Variants in PRDM16 observed in about 807,000 individuals in gnomAD.
PRDM16 encodes the protein PR/SET domain 16.
Under a neutral mutation model 110.6 loss-of-function variants are expected in PRDM16, and 23 were observed. That is an observed-to-expected ratio of 0.21 (90% CI 0.15 to 0.29). PRDM16 has a LOEUF of 0.29. Among genes scored for constraint, PRDM16 ranks in the 10% least tolerant of loss-of-function variants. PRDM16 has a pLI of 1.00. For missense variants in PRDM16, 1,615 were observed against 1,794.3 expected (o/e 0.90, Z 1.81); for synonymous variants, 799 against 781.8 (o/e 1.02, Z -0.37).
chr1:3,294,908 G>C (rs1641052212), intron 3 of PRDM16, among the ~76,000 whole-genome samples: 1 of 152,216 alleles, frequency 6.6e-6, no homozygotes, highest in Non-Finnish European at 1.5e-5. Context: ...AGACCCAGGG[G>C]AGAGGGGTAG....
chr1:3,220,197 G>A (rs1280936872), intron 2 of PRDM16, among the ~76,000 whole-genome samples: 1 of 152,122 alleles, frequency 6.6e-6, no homozygotes, highest in Non-Finnish European at 1.5e-5. Flanking sequence ...CTCCGTCTGC[G>A]GCACCTTCCT....
intron 3 of PRDM16, among the ~76,000 whole-genome samples, chr1:3,316,485 C>G (rs1641604587): frequency 6.6e-6 from 1 of 152,186 alleles, no homozygotes; most frequent in Non-Finnish European, 1.5e-5. Context: ...ACAGGGAGGA[C>G]CTGGGAAGAG....
At chr1:3,223,182 T>G (rs1173198811) in intron 2 of PRDM16, among the ~76,000 whole-genome samples, 1 of 142,736 alleles carries the variant, frequency 7.0e-6, no homozygotes, top group Non-Finnish European at 1.5e-5. Context: ...CGATCTTGGC[T>G]CACTGCAACC....
chr1:3,138,023 C>A (rs2100695880), intron 1 of PRDM16, among the ~76,000 whole-genome samples: 1 of 152,334 alleles, frequency 6.6e-6, no homozygotes, highest in Middle Eastern at 3.4e-3. Context: ...GCTGGCCAGG[C>A]AGGGGTGTCC....
Position 3,245,790 on chromosome 1 carries a change from C to T in PRDM16, c.438+1653C>T, listed in dbSNP as rs977268635. ...ACAGTTAGCAGCGCTGCTGTATTTC[C>T]GAGAACTGCAGTATTTTCACTTCCC... On this transcript the variant is annotated intron_variant, in intron 3 of 16. Coordinates refer to ENST00000270722, the MANE Select transcript of PRDM16 (RefSeq NM_022114.4). The surrounding 1 kb of genome is among the most constrained non-coding windows in gnomAD (Gnocchi z 4.7). 2.0e-5 allele frequency among the ~76,000 whole-genome samples: 3 copies of T among 152,136 alleles called. No individual in the cohort carries two copies. Among genetic ancestry groups the T allele is most frequent in the East Asian group, 1.9e-4 (1 of 5,196 alleles).
At chr1:3,427,061 C>T (rs570410531) in intron 14 of PRDM16, among the ~76,000 whole-genome samples, 3 of 152,364 alleles carry the variant, frequency 2.0e-5, no homozygotes, top group African/African-American at 7.2e-5. Context: ...GACGGACAGC[C>T]GTGTGCGTAC....
intron 3 of PRDM16, among the ~76,000 whole-genome samples, chr1:3,250,480 A>G (rs1381242893): frequency 6.8e-6 from 1 of 147,800 alleles, no homozygotes; most frequent in East Asian, 2.0e-4. Context: ...CCCCACCGCC[A>G]TTCTAAATTG....
At chr1:3,159,542 T>C (rs1643882763) in intron 1 of PRDM16, among the ~76,000 whole-genome samples, 1 of 152,214 alleles carries the variant, frequency 6.6e-6, no homozygotes, top group South Asian at 2.1e-4. Flanking sequence ...CCTAGTGACC[T>C]CACTTTTCCT....
intron 5 of PRDM16, among the ~76,000 whole-genome samples, chr1:3,399,668 G>A (rs752636849): frequency 1.3e-5 from 2 of 152,216 alleles, no homozygotes; most frequent in Non-Finnish European, 2.9e-5. Flanking sequence ...GAATCAGACT[G>A]CATTCTCATT....
chr1:3,194,360 C>T (rs1427260257), intron 2 of PRDM16, among the ~76,000 whole-genome samples: 1 of 152,216 alleles, frequency 6.6e-6, no homozygotes, highest in Admixed American at 6.5e-5. Flanking sequence ...CCGCCATAAG[C>T]CCTCCTTGCT....
chr1:3,273,865 A>G (rs1640521107), intron 3 of PRDM16, among the ~76,000 whole-genome samples: 1 of 137,906 alleles, frequency 7.3e-6, no homozygotes, highest in African/African-American at 2.7e-5. Flanking sequence ...GGCTGCTTAT[A>G]TGGGGGTGCC....
At chr1:3,115,224 G>A (rs1424481077) in intron 1 of PRDM16, among the ~76,000 whole-genome samples, 2 of 152,238 alleles carry the variant, frequency 1.3e-5, no homozygotes, top group South Asian at 2.1e-4. Context: ...CCCACACATT[G>A]GAGTTCATGA....
intron 1 of PRDM16, among the ~76,000 whole-genome samples, chr1:3,142,132 C>A (rs1046757573): frequency 6.6e-6 from 1 of 152,176 alleles, no homozygotes; most frequent in African/African-American, 2.4e-5. Flanking sequence ...TCCATCGGCT[C>A]CCCCCGTCCA....
chr1:3,257,540 A>ACT (rs2100239664), intron 3 of PRDM16, among the ~76,000 whole-genome samples: 1 of 151,936 alleles, frequency 6.6e-6, no homozygotes, highest in South Asian at 2.1e-4. Context: ...GAAAAATAAG[A>ACT]CTTTGTTACT....
chr1:3,313,142 G>A (rs2282194), intron 3 of PRDM16, among the ~76,000 whole-genome samples: 4,072 of 152,310 alleles, frequency 0.027, 302 homozygotes, highest in East Asian at 0.25. Context: ...GTCCTTCCTC[G>A]TGAGAGGATG....
intron 1 of PRDM16, among the ~76,000 whole-genome samples, chr1:3,101,230 C>T (rs1001274968): frequency 3.9e-5 from 6 of 152,100 alleles, no homozygotes; most frequent in East Asian, 1.9e-4. Flanking sequence ...ACACTCTTCC[C>T]GAGAGATAGT....
chr1:3,093,648 T>C (rs970543234), intron 1 of PRDM16, among the ~76,000 whole-genome samples: 2 of 152,006 alleles, frequency 1.3e-5, no homozygotes, highest in Non-Finnish European at 1.5e-5. Context: ...GGAGGCTGCA[T>C]GCTGTGGTCG....
At chr1:3,227,270 C>G (rs1057116129) in intron 2 of PRDM16, among the ~76,000 whole-genome samples, 1 of 152,244 alleles carries the variant, frequency 6.6e-6, no homozygotes, top group Non-Finnish European at 1.5e-5. Flanking sequence ...AGTTTATCCT[C>G]TGAAGAAAAA....
intron 1 of PRDM16, among the ~76,000 whole-genome samples, chr1:3,183,880 C>T (rs1644238137): frequency 1.3e-5 from 2 of 152,216 alleles, no homozygotes; most frequent in Admixed American, 6.5e-5. Context: ...GGCAGAGGCG[C>T]CCACGCCCGA....
Sources: gnomAD v4.1 joint callset for allele counts (sites outside exome capture counted in the v4.1 genomes callset) on GRCh38, gnomAD v4.1.1 for gene constraint, Gnocchi (gnomAD v3.1) non-coding constraint, MANE v1.5 for transcripts, NCBI Gene and HGNC (gene_info 2026-07-23, HGNC 2026-07-21) for gene names.